The following CFAP58 variants were observed in gnomAD, a reference collection of about 807,000 sequenced individuals.
CFAP58 encodes cilia and flagella associated protein 58, also known as cilia- and flagella-associated protein 58.
CFAP58 carries 88 observed loss-of-function variants against 119.5 expected under a neutral mutation model. That is an observed-to-expected ratio of 0.74 (90% confidence interval 0.62 to 0.88). The LOEUF (loss-of-function observed/expected upper bound fraction) is 0.88, where lower values mean the gene tolerates loss of function less well. Ranked by LOEUF, CFAP58 falls within the 40% of genes least tolerant of loss-of-function variation. The pLI is 0.00. For synonymous variants in CFAP58, 365 were observed against 366.3 expected, an observed-to-expected ratio of 1.00 and a Z score of 0.04; for missense variants, 990 against 1,021.2, an observed-to-expected ratio of 0.97 and a Z score of 0.42.
intron 5 of CFAP58, 62 bp downstream of exon 5, chr10:104,366,070 C>G: frequency 5.9e-6 from 8 of 1,351,522 alleles, no homozygotes; most frequent in Non-Finnish European, 6.9e-6. Context: ...CCTTTATTCA[C>G]CCTTTTGTGC....
At chr10:104,372,279 G>T (rs954862357) in intron 7 of CFAP58, among the ~76,000 whole-genome samples, 2 of 152,112 alleles carry the variant, frequency 1.3e-5, no homozygotes, top group Non-Finnish European at 2.9e-5. Flanking sequence ...CTTGAACCTG[G>T]GAGGTGGAGG....
At chr10:104,394,899 C>T (rs924046952) in intron 11 of CFAP58, among the ~76,000 whole-genome samples, 68 of 152,148 alleles carry the variant, frequency 4.5e-4, no homozygotes, top group African/African-American at 1.1e-3. Context: ...CTGAATGAAT[C>T]GGAAGAAACT....
intron 14 of CFAP58, among the ~76,000 whole-genome samples, chr10:104,404,205 T>C (rs1000155879): frequency 6.6e-6 from 1 of 152,210 alleles, no homozygotes; most frequent in African/African-American, 2.4e-5. Flanking sequence ...GTCACCAGCA[T>C]CTCCACCATC....
intron 15 of CFAP58, among the ~76,000 whole-genome samples, chr10:104,440,641 A>G (rs1337757940): frequency 6.6e-6 from 1 of 152,212 alleles, no homozygotes; most frequent in Non-Finnish European, 1.5e-5. Context: ...AATTCCCTCA[A>G]ACAAATTTCT....
intron 15 of CFAP58, among the ~76,000 whole-genome samples, chr10:104,413,559 G>A (rs1477544674): frequency 6.6e-6 from 1 of 152,124 alleles, no homozygotes; most frequent in African/African-American, 2.4e-5. Flanking sequence ...CCTCCTGGTG[G>A]CCTCTCCTTG....
At chr10:104,376,214 C>T (rs2011659035) in intron 7 of CFAP58, among the ~76,000 whole-genome samples, 2 of 151,686 alleles carry the variant, frequency 1.3e-5, no homozygotes, top group Admixed American at 1.3e-4. Flanking sequence ...TGATATACAG[C>T]GTTAAATAAA....
At position 104,400,899 on chromosome 10, in the gene CFAP58, C is replaced by T; in HGVS notation, c.2035C>T (p.Leu679Phe). The change falls in exon 13 of 18, where the codon CTC becomes TTC. Residue 679 changes from leucine (L) to phenylalanine (F), a missense_variant. Transcript: ENST00000369704. ...LARSMANVEE[L>F]RQEFFHMQRE... ...CAGGAGTATGGCTAATGTTGAAGAACTCAGGTAATAGATTATAGAACTCAG... is the reference window on the plus strand; with the variant it reads ...CAGGAGTATGGCTAATGTTGAAGAATTCAGGTAATAGATTATAGAACTCAG... The T allele has an allele frequency of 6.2e-7, 1 of 1,613,064 alleles. No homozygotes were observed. Among genetic ancestry groups the T allele is most frequent in the East Asian group, 2.2e-5 (1 of 44,880 alleles).
intron 15 of CFAP58, among the ~76,000 whole-genome samples, chr10:104,436,106 C>G (rs1245378795): frequency 6.6e-6 from 1 of 152,158 alleles, no homozygotes; most frequent in Non-Finnish European, 1.5e-5. Flanking sequence ...GATTCAGGTC[C>G]TCTCTATGAT....
In CFAP58 at chr10:104,407,478, C is replaced by T. The variant is rs2012384337; in HGVS notation, c.2256+685C>T. Among the ~76,000 whole-genome samples the T allele has an allele frequency of 2.0e-5, 3 of 152,176 alleles. No homozygotes were observed. The South Asian group carries it at 6.2e-4, about 32-fold the overall frequency. On this transcript the variant is annotated intron_variant, in intron 15 of 17. Coordinates refer to ENST00000369704, the MANE Select transcript of CFAP58 (RefSeq NM_001008723.2). ...AGTTTAGTGTGGATGAGAATGTCAG[C>T]TCTTGAAGTTAGATGGCTTGGTTTG...
intron 14 of CFAP58, 78 bp from the exon 15 acceptor site, chr10:104,406,611 A>G: frequency 9.0e-7 from 1 of 1,114,146 alleles, no homozygotes; most frequent in South Asian, 1.3e-5. Flanking sequence ...TTAATAAGAC[A>G]ATGTGCATTT....
At chr10:104,410,921 A>G (rs1250298290) in intron 15 of CFAP58, among the ~76,000 whole-genome samples, 1 of 151,486 alleles carries the variant, frequency 6.6e-6, no homozygotes, top group Non-Finnish European at 1.5e-5. Flanking sequence ...TCTTAGCTTT[A>G]TCTCTATTTA....
chr10:104,357,994 T>C (rs1368504186), intron 1 of CFAP58, among the ~76,000 whole-genome samples: 1 of 142,418 alleles, frequency 7.0e-6, no homozygotes, highest in Non-Finnish European at 1.5e-5. Flanking sequence ...TACACATATA[T>C]GTACACATAT....
chr10:104,365,853 CG>C lies in CFAP58; in HGVS notation c.640del (p.Glu214SerfsTer8), dbSNP rs775535989. On this transcript the variant is annotated frameshift_variant, in exon 5 of 18. Transcript: ENST00000369704. LOFTEE classifies it high-confidence loss of function. ...EIQQRQNEAS[R>X]EFRKKEKLEK... ...CCAGCAACGTCAGAACGAAGCTTCC[CG>C]GGAGTTCCGGAAGAAGGAAAAACTA... 7 of 1,612,590 alleles carry C rather than the reference CG, an allele frequency of 4.3e-6. No homozygotes were observed. Among genetic ancestry groups the C allele is most frequent in the Non-Finnish European group, 5.9e-6 (7 of 1,179,546 alleles).
chr10:104,440,418 C>T (rs143366667), intron 15 of CFAP58, among the ~76,000 whole-genome samples: 1 of 152,266 alleles, frequency 6.6e-6, no homozygotes, highest in Non-Finnish European at 1.5e-5. Flanking sequence ...ATCTGATACC[C>T]ATCCTTGAAT....
chr10:104,441,192 G>A, intron 15 of CFAP58, among the ~76,000 whole-genome samples: 1 of 152,044 alleles, frequency 6.6e-6, no homozygotes, highest in East Asian at 1.9e-4. Flanking sequence ...TTGTAGAGAT[G>A]AGATTTTGCC....
chr10:104,441,426 C>T (rs192246382), intron 15 of CFAP58, among the ~76,000 whole-genome samples: 3 of 152,304 alleles, frequency 2.0e-5, no homozygotes, highest in Non-Finnish European at 4.4e-5. Context: ...AAAGTCAACA[C>T]TATCATGATT....
rs757105858 is a variant in CFAP58 at position 104,393,438 on chromosome 10, A to T, written c.1637A>T (p.Glu546Val). 7 of 1,613,856 alleles carry T rather than the reference A, an allele frequency of 4.3e-6. No homozygotes were observed. The highest frequency in any genetic ancestry group is 5.9e-6 in the Non-Finnish European group (7 of 1,179,892). Residue 546 changes from glutamate to valine, a missense_variant, in exon 11 of 18, where the codon GAA (glutamate) becomes GTA (valine). By Grantham distance (121) the Glu-to-Val change is moderately radical. Coordinates refer to ENST00000369704, the MANE Select transcript of CFAP58 (RefSeq NM_001008723.2). ...KESALVKLHL[E>V]QQRIEKEKET... ...TCCGCACTTGTGAAGCTGCACCTGG[A>T]ACAGCAGCGAATAGAAAAGGAAAAG...
At chr10:104,428,838 G>A (rs1367853600) in intron 15 of CFAP58, among the ~76,000 whole-genome samples, 2 of 152,198 alleles carry the variant, frequency 1.3e-5, no homozygotes, top group African/African-American at 4.8e-5. Context: ...GATGGAGGTT[G>A]GGGTCACTTA....
At chr10:104,366,425 C>T (rs1405450400) in intron 5 of CFAP58, among the ~76,000 whole-genome samples, 3 of 152,150 alleles carry the variant, frequency 2.0e-5, no homozygotes, top group Non-Finnish European at 2.9e-5. Flanking sequence ...AATACCATCT[C>T]TATCCTGAAT....
Sources: gnomAD v4.1 joint callset for allele counts (sites outside exome capture counted in the v4.1 genomes callset) on GRCh38, gnomAD v4.1.1 for gene constraint, MANE v1.5 for transcripts, NCBI Gene and HGNC (gene_info 2026-07-23, HGNC 2026-07-21) for gene names.